The following IL12RB2 variants were observed in gnomAD, a reference collection of about 807,000 sequenced individuals.
The protein encoded by IL12RB2 is interleukin 12 receptor subunit beta 2.
In IL12RB2, 82 loss-of-function variants were observed where a neutral mutation model predicts 89.4. The ratio of observed to expected loss-of-function variants is 0.92; its 90% CI spans 0.77 to 1.10. The LOEUF is 1.10. IL12RB2 is among the 50% of genes least tolerant of loss of function. The pLI, the probability that IL12RB2 is intolerant of heterozygous loss-of-function variation, is 0.00. For synonymous variants in IL12RB2, 368 were observed against 370.1 expected (o/e 0.99, Z 0.07); for missense variants, 963 against 1,031.9 (o/e 0.93, Z 0.92).
At chr1:67,383,986 G>A (rs1181060268) in intron 14 of IL12RB2, among the ~76,000 whole-genome samples, 1 of 152,254 alleles carries the variant, frequency 6.6e-6, no homozygotes, top group Non-Finnish European at 1.5e-5. Context: ...AGCTGGCATT[G>A]AGTGTCTGCA....
At chr1:67,329,433 G>A (rs1371561312) in intron 6 of IL12RB2, among the ~76,000 whole-genome samples, 154 bp from the exon 7 acceptor site, 2 of 152,296 alleles carry the variant, frequency 1.3e-5, no homozygotes, top group South Asian at 2.1e-4. Flanking sequence ...CTTTCTTAAA[G>A]CCTGGAACTT....
chr1:67,329,796 C>T, intron 7 of IL12RB2, 67 bp downstream of exon 7: 1 of 1,053,388 alleles, frequency 9.5e-7, no homozygotes, highest in South Asian at 1.3e-5. Context: ...AGACCTCTGT[C>T]TTTTCATACA....
In IL12RB2 at chr1:67,310,036, A is replaced by G. The variant is rs59252862; in HGVS notation, c.-125+2069A>G. ...CTGAAAACACAAAAATTAGCGGGGCATGGTGGCACACACCATGTGGCATGG... is the reference window on the plus strand; with the variant it reads ...CTGAAAACACAAAAATTAGCGGGGCGTGGTGGCACACACCATGTGGCATGG... On this transcript the variant is annotated intron_variant, in intron 1 of 16. Transcript: ENST00000674203. Among the ~76,000 whole-genome samples the G allele has an allele frequency of 4.6e-5, 7 of 152,082 alleles. No individual in the cohort carries two copies. The East Asian group carries it at 1.2e-3, about 25-fold the overall frequency.
intron 8 of IL12RB2, among the ~76,000 whole-genome samples, chr1:67,334,771 G>A (rs1258552300): frequency 1.3e-5 from 2 of 152,156 alleles, no homozygotes; most frequent in South Asian, 2.1e-4. Context: ...GAGCCACCGC[G>A]CCCGGCCGGA....
At chr1:67,391,959 T>G (rs919675497) in intron 16 of IL12RB2, among the ~76,000 whole-genome samples, 2 of 152,176 alleles carry the variant, frequency 1.3e-5, no homozygotes, top group African/African-American at 4.8e-5. Context: ...TGTATGATTA[T>G]CTTCATTTTC....
At position 67,328,262 on chromosome 1, in the gene IL12RB2, T is replaced by C. The variant is rs373550855; in HGVS notation, c.542T>C (p.Leu181Ser). The C allele has an allele frequency of 5.6e-6, 9 of 1,614,104 alleles. No homozygotes were observed. In the African/African-American group the frequency reaches 1.1e-4, roughly 19 times the overall value. Residue 181 changes from leucine (L) to serine (S), a missense_variant, in exon 6 of 17, where the codon TTG becomes TCG. By Grantham distance (145) the Leu-to-Ser change is moderately radical. Coordinates refer to ENST00000674203, the MANE Select transcript of IL12RB2 (RefSeq NM_001374259.2). The stretch of plus-strand genomic sequence containing the variant: ...TGTAAAGACATTTATTGTGACTATT[T>C]GGACTTTGGAATCAACCTCACCCCT... ...KQCKDIYCDY[L>S]DFGINLTPES... is the part of the protein sequence containing the mutation.
At chr1:67,319,214 T>C (rs1462921396) in intron 2 of IL12RB2, among the ~76,000 whole-genome samples, 1 of 152,240 alleles carries the variant, frequency 6.6e-6, no homozygotes, top group Non-Finnish European at 1.5e-5. Flanking sequence ...TTGCACTGAC[T>C]ACTTTTTAGT....
intron 10 of IL12RB2, among the ~76,000 whole-genome samples, chr1:67,357,517 C>T (rs1661536783): frequency 6.6e-6 from 1 of 152,162 alleles, no homozygotes; most frequent in South Asian, 2.1e-4. Context: ...TTCTAATATA[C>T]TTTGTCTATT....
chr1:67,397,846 T>C lies in IL12RB2; in HGVS notation c.*1757T>C, dbSNP rs1028494233. ...TCTGGATTTTCATTTAACAAAGTAC[T>C]TGTTGTAAATGTGTACTTCTTGCCT... On this transcript the variant is annotated 3_prime_UTR_variant, in exon 17 of 17. Transcript: ENST00000674203. Among the ~76,000 whole-genome samples the C allele has an allele frequency of 1.3e-5, 2 of 152,172 alleles. No homozygotes were observed. Among genetic ancestry groups the C allele is most frequent in the Non-Finnish European group, 2.9e-5 (2 of 68,044 alleles).
At position 67,326,005 on chromosome 1, in the gene IL12RB2, T is replaced by C. The variant is rs151174615; in HGVS notation, c.365-730T>C. On this transcript the variant is annotated intron_variant, in intron 4 of 16. Transcript: ENST00000674203. ...CTTTGTACATCTTTGTATTTCCACA[T>C]CTAGCACTGTGCTTGGCTCGTGGGA... 2.0e-5 allele frequency among the ~76,000 whole-genome samples: 3 copies of C among 152,322 alleles called. No homozygotes were observed. In the East Asian group the frequency reaches 5.8e-4, roughly 29 times the overall value.
chr1:67,349,198 A>T (rs1433246189), intron 9 of IL12RB2, among the ~76,000 whole-genome samples: 1 of 152,168 alleles, frequency 6.6e-6, no homozygotes, highest in Non-Finnish European at 1.5e-5. Flanking sequence ...TGGGAGGGAG[A>T]TAATAAGACT....
intron 9 of IL12RB2, among the ~76,000 whole-genome samples, chr1:67,341,209 G>A (rs1659484754): frequency 6.6e-6 from 1 of 152,136 alleles, no homozygotes; most frequent in Non-Finnish European, 1.5e-5. Flanking sequence ...CTGAAGTCCA[G>A]GAGTTTGAGA....
At chr1:67,372,295 C>T in intron 11 of IL12RB2, 141 bp from the exon 12 acceptor site, 1 of 711,070 alleles carries the variant, frequency 1.4e-6, no homozygotes, top group South Asian at 1.5e-5. Context: ...GGTCATCAGT[C>T]CAGACTGTGC....
At chr1:67,377,889 G>A (rs1298777228) in intron 13 of IL12RB2, among the ~76,000 whole-genome samples, 1 of 152,132 alleles carries the variant, frequency 6.6e-6, no homozygotes, top group Non-Finnish European at 1.5e-5. Flanking sequence ...ACTTTCGGAG[G>A]CTGAGGCAGG....
chr1:67,386,737 A>G, intron 15 of IL12RB2, 68 bp downstream of exon 15: 1 of 1,051,624 alleles, frequency 9.5e-7, no homozygotes, highest in Non-Finnish European at 1.5e-6. Context: ...TGTTGCTGCC[A>G]TGGGTCAGGG....
intron 1 of IL12RB2, among the ~76,000 whole-genome samples, chr1:67,311,124 A>T (rs532390043): frequency 2.0e-5 from 3 of 152,160 alleles, no homozygotes; most frequent in Non-Finnish European, 4.4e-5. Context: ...CCGAGCCAAG[A>T]CTTAGGTGTC....
rs1232700186 is a variant in IL12RB2 at position 67,328,290 on chromosome 1, A to G, written c.570A>G (p.Glu190=). 2 of 1,614,178 alleles carry G rather than the reference A, an allele frequency of 1.2e-6. No individual in the cohort carries two copies. Among genetic ancestry groups the G allele is most frequent in the Admixed American group, 3.3e-5 (2 of 60,020 alleles). The stretch of plus-strand genomic sequence containing the variant: ...ACTTTGGAATCAACCTCACCCCTGA[A>G]TCACCTGAATCCAATTTCACAGCCA... ...YLDFGINLTP[E]SPESNFTAKV... Residue 190 remains glutamate, a synonymous_variant, in exon 6 of 17, where the codon GAA becomes GAG. Coordinates refer to ENST00000674203, the MANE Select transcript of IL12RB2 (RefSeq NM_001374259.2).
chr1:67,375,593 CCT>C (rs1264008137), intron 13 of IL12RB2, among the ~76,000 whole-genome samples: 1 of 152,104 alleles, frequency 6.6e-6, no homozygotes, highest in Non-Finnish European at 1.5e-5. Context: ...TTGATGGCCC[CCT>C]CTTACTGGTG....
At chr1:67,325,809 GGA>G in intron 4 of IL12RB2, among the ~76,000 whole-genome samples, 1 of 152,280 alleles carries the variant, frequency 6.6e-6, no homozygotes, top group African/African-American at 2.4e-5. Context: ...CTAACCTAAA[GGA>G]AATATGTATC....
Sources: allele counts gnomAD v4.1 joint callset (sites outside exome capture counted in the v4.1 genomes callset), GRCh38; gene constraint gnomAD v4.1.1; transcripts MANE v1.5; gene names NCBI Gene and HGNC (gene_info 2026-07-23, HGNC 2026-07-21).